The following MED6 variants were observed in gnomAD, a reference collection of about 807,000 sequenced individuals.
MED6 encodes mediator complex subunit 6.
MED6 carries 33 observed loss-of-function variants against 37.5 expected under a neutral mutation model. The observed-to-expected ratio is 0.88, with a 90% CI of 0.67 to 1.18. MED6 has a LOEUF of 1.18. Ranked by LOEUF, MED6 falls within the 50% of genes most tolerant of loss-of-function variation. The probability of loss-of-function intolerance (pLI) is 0.00; values close to 1 mark genes in which losing one functional copy is unlikely to be tolerated. For missense variants in MED6, 235 were observed against 290.6 expected, an observed-to-expected ratio of 0.81 and a Z score of 1.39; for synonymous variants, 94 against 93.6, an observed-to-expected ratio of 1.00 and a Z score of -0.02.
At position 70,597,618 on chromosome 14, in the gene MED6, T is replaced by C. The variant is rs201327871; in HGVS notation, c.182A>G (p.Asn61Ser). 21 of 1,457,908 alleles carry C rather than the reference T, an allele frequency of 1.4e-5. No homozygotes were observed. The highest frequency in any genetic ancestry group is 1.9e-4 in the Middle Eastern group (1 of 5,314). 90.3% of individuals were successfully genotyped at this position (1,457,908 alleles called of 1,614,324 possible). ...KMQRLTLEHLNQMVGIEYILL... is the reference protein window; with the variant it reads ...KMQRLTLEHLSQMVGIEYILL... The stretch of plus-strand genomic sequence containing the variant: ...GTGCCACCTTCTTAAAATAACTTAC[T>C]TCAAGTGTTCTAATGTTAGCCTCTG... The change falls in exon 2 of 8, where the codon AAT becomes AGT. Residue 61 changes from asparagine (N) to serine (S), a missense_variant and splice_region_variant. Physicochemically the swap from Asn to Ser is conservative, Grantham distance 46. Transcript: ENST00000256379.
rs1237147851 is a variant in MED6, at chr14:70,591,275, T to C, written c.573A>G (p.Lys191=). 1 of 1,611,312 alleles carries C rather than the reference T, an allele frequency of 6.2e-7. No individual in the cohort carries two copies. The highest frequency in any genetic ancestry group is 8.5e-7 in the Non-Finnish European group (1 of 1,178,630). ...LLDLRQKFPP[K]FVQLKPGEKP... ...CACATATTCTCATTACCTGCACAAA[T>C]TTGGGTGGAAATTTTTGTCTGAGGT... Residue 191 remains lysine, a synonymous_variant, in exon 6 of 8, where the codon AAA becomes AAG. Coordinates refer to ENST00000256379, the MANE Select transcript of MED6 (RefSeq NM_005466.4).
chr14:70,590,301 T>G (rs2139593576), intron 6 of MED6, among the ~76,000 whole-genome samples: 1 of 152,340 alleles, frequency 6.6e-6, no homozygotes, highest in South Asian at 2.1e-4. Flanking sequence ...ATCACCCTAC[T>G]ACAGCTATAA....
chr14:70,584,970 GA>G (rs1274685109), intron 7 of MED6, 27 bp from the exon 8 acceptor site: 1 of 1,608,948 alleles, frequency 6.2e-7, no homozygotes, highest in Non-Finnish European at 8.5e-7. Flanking sequence ...GATTTTTTGG[GA>G]GGGAGATATG....
intron 6 of MED6, among the ~76,000 whole-genome samples, chr14:70,587,650 T>C (rs748037413): frequency 5.9e-5 from 9 of 152,314 alleles, no homozygotes; most frequent in Middle Eastern, 3.4e-3. Context: ...TGTCTAATCT[T>C]TTCTAGTAAG....
At chr14:70,591,761 AAACCTACTAGC>A (rs1884877588) in intron 5 of MED6, 1 of 156,514 alleles carries the variant, frequency 6.4e-6, no homozygotes, top group South Asian at 1.9e-4. Context: ...TTTTCTCACA[AAACCTACTAGC>A]AACAAATGGA....
rs1304278060 is a variant in MED6, at chr14:70,592,971, A to G, written c.375T>C (p.Gly125=). ...INSRVLTAVH[G]IQSAFDEAMS... The stretch of plus-strand genomic sequence containing the variant: ...TAGCTTCATCAAAAGCTGACTGAAT[A>G]CCATGCACTGCAGTAAGCTTGTAAA... Residue 125 remains glycine, a synonymous_variant, in exon 5 of 8, where the codon GGT becomes GGC. Transcript: ENST00000256379. 2 of 1,613,840 alleles carry G rather than the reference A, an allele frequency of 1.2e-6. No individual in the cohort carries two copies. Among genetic ancestry groups the G allele is most frequent in the Admixed American group, 1.7e-5 (1 of 60,036 alleles).
At chr14:70,598,893 T>C (rs1885122472) in intron 1 of MED6, among the ~76,000 whole-genome samples, 1 of 152,206 alleles carries the variant, frequency 6.6e-6, no homozygotes, top group South Asian at 2.1e-4. Context: ...GATAATGATG[T>C]AAAAGCTAAG....
chr14:70,593,080 G>T (rs546799233), intron 4 of MED6, 92 bp from the exon 5 acceptor site: 493 of 1,536,856 alleles, frequency 3.2e-4, no homozygotes, highest in Admixed American at 4.3e-4. Context: ...TGCAAAGACA[G>T]AACCTATTTT....
chr14:70,597,578 T>G (rs757345099), intron 2 of MED6, 40 bp downstream of exon 2: 1 of 1,421,976 alleles, frequency 7.0e-7, no homozygotes, highest in East Asian at 2.7e-5. Flanking sequence ...ATTGCAAAAC[T>G]TGTATTTGGA....
In MED6 at chr14:70,584,062, G is replaced by A. The variant is rs1034722550; in HGVS notation, c.*751C>T. The A allele has an allele frequency of 8.5e-5, 52 of 613,228 alleles. 1 individual carries two copies. The highest frequency in any genetic ancestry group is 6.6e-4 in the Admixed American group (25 of 38,054). 38.0% of individuals were successfully genotyped at this position (613,228 alleles called of 1,614,324 possible). A position where few individuals can be genotyped will look rare whatever the true frequency, so the allele number is the denominator to read the frequency against. ...TTATAGGGTAATGGTATTGGTGAGT[G>A]AGGTTTTTCCTTTTCTTCATCTTCC... On this transcript the variant is annotated 3_prime_UTR_variant, in exon 8 of 8. Coordinates refer to ENST00000256379, the MANE Select transcript of MED6 (RefSeq NM_005466.4).
At chr14:70,587,119 G>A (rs1375123532) in intron 6 of MED6, among the ~76,000 whole-genome samples, 1 of 152,178 alleles carries the variant, frequency 6.6e-6, no homozygotes, top group Non-Finnish European at 1.5e-5. Flanking sequence ...GGTCTCTAAT[G>A]GATCTCCCTG....
intron 1 of MED6, among the ~76,000 whole-genome samples, chr14:70,599,924 A>T (rs1254696516): frequency 6.6e-6 from 1 of 152,142 alleles, no homozygotes; most frequent in Non-Finnish European, 1.5e-5. Flanking sequence ...CAATCCAGTT[A>T]ATATTAAAAA....
chr14:70,586,679 C>T (rs1884717230), intron 6 of MED6, among the ~76,000 whole-genome samples: 1 of 152,152 alleles, frequency 6.6e-6, no homozygotes, highest in African/African-American at 2.4e-5. Flanking sequence ...CTCCCTAGGC[C>T]TTCTTACCTA....
At chr14:70,598,246 G>A (rs773530415) in intron 1 of MED6, among the ~76,000 whole-genome samples, 61 of 152,052 alleles carry the variant, frequency 4.0e-4, no homozygotes, top group South Asian at 1.9e-3. Context: ...GTGGTGAGAC[G>A]AGATCACACC....
rs1273299567 is a variant in MED6, at chr14:70,584,430, AAC to A, written c.*381_*382del. 8.0e-5 allele frequency: 28 copies of A among 352,072 alleles called. No homozygotes were observed. The highest frequency in any genetic ancestry group is 1.3e-4 in the Non-Finnish European group (26 of 195,130). The allele number at this position is 352,072 out of a possible 1,614,324, so 21.8% of individuals were successfully genotyped here. ...CGCTCTGTCGCCCAAGCTGGAGTGCAACAGCATGATAATCAGCTCAGGGCAAC... is the reference window on the plus strand; with the variant it reads ...CGCTCTGTCGCCCAAGCTGGAGTGCAAGCATGATAATCAGCTCAGGGCAAC... On this transcript the variant is annotated 3_prime_UTR_variant, in exon 8 of 8. Transcript: ENST00000256379.
Position 70,584,603 on chromosome 14 carries a change from T to G in MED6, c.*210A>C. The G allele has an allele frequency of 2.1e-6, 1 of 486,690 alleles. No individual in the cohort carries two copies. The highest frequency in any genetic ancestry group is 3.5e-6 in the Non-Finnish European group (1 of 285,628). 30.1% of individuals were successfully genotyped at this position (486,690 alleles called of 1,614,324 possible). On this transcript the variant is annotated 3_prime_UTR_variant, in exon 8 of 8. Coordinates refer to ENST00000256379, the MANE Select transcript of MED6 (RefSeq NM_005466.4). The stretch of plus-strand genomic sequence containing the variant: ...ATTGGTCAGGCTGGTCTTGAACTTC[T>G]GACCTCAAGTGATCCACCCGCCATG...
chr14:70,599,913 C>T (rs1243094403), intron 1 of MED6, among the ~76,000 whole-genome samples: 1 of 151,970 alleles, frequency 6.6e-6, no homozygotes, highest in East Asian at 1.9e-4. Context: ...GTGTTAGACC[C>T]CAATCCAGTT....
intron 1 of MED6, chr14:70,597,980 A>T: frequency 2.6e-6 from 1 of 383,104 alleles, no homozygotes; most frequent in Non-Finnish European, 4.5e-6. Context: ...AGACATGGTG[A>T]AACCCTGTCT....
chr14:70,596,962 C>G (rs772660376), intron 2 of MED6, among the ~76,000 whole-genome samples: 2 of 152,160 alleles, frequency 1.3e-5, no homozygotes, highest in Non-Finnish European at 2.9e-5. Context: ...TATTTTCAGT[C>G]AGGAAAGTAC....
Sources: gnomAD v4.1 joint callset for allele counts (sites outside exome capture counted in the v4.1 genomes callset) on GRCh38, gnomAD v4.1.1 for gene constraint, MANE v1.5 for transcripts, NCBI Gene and HGNC (gene_info 2026-07-23, HGNC 2026-07-21) for gene names.